Variants in MAS1 observed in about 807,000 individuals in gnomAD.
MAS1 encodes MAS1 proto-oncogene, G protein-coupled receptor.
For missense variants in MAS1, 387 were observed against 409.7 expected, an observed-to-expected ratio of 0.94 and a Z score of 0.48; for synonymous variants, 163 against 164.2, an observed-to-expected ratio of 0.99 and a Z score of 0.05.
In MAS1 at chr6:159,907,126, GTGCT is replaced by G. The variant is rs1782898404; in HGVS notation, c.173_176del (p.Cys58SerfsTer3). 1.2e-6 allele frequency: 2 copies of G among 1,614,076 alleles called. No individual in the cohort carries two copies. Among genetic ancestry groups the G allele is most frequent in the African/African-American group, 2.7e-5 (2 of 74,926 alleles). On this transcript the variant is annotated frameshift_variant, in exon 3 of 3. Coordinates refer to ENST00000674077, the MANE Select transcript of MAS1 (RefSeq NM_002377.4). LOFTEE classifies it low-confidence loss of function (END_TRUNC). ...AGAATGGGATTCTCCTCTGGTTCCTGTGCTTCCGGATGAGAAGAAATCCCTTCAC... is the reference window on the plus strand; with the variant it reads ...AGAATGGGATTCTCCTCTGGTTCCTGTCCGGATGAGAAGAAATCCCTTCAC...
At chr6:159,906,050 A>AAAAG (rs1383230761) in intron 2 of MAS1, among the ~76,000 whole-genome samples, 44 of 152,324 alleles carry the variant, frequency 2.9e-4, no homozygotes, top group African/African-American at 8.7e-4. Flanking sequence ...CAAAAAAAAA[A>AAAAG]AAGTTATTTT....
chr6:159,915,969 A>T lies in MAS1; in HGVS notation c.*8036A>T, dbSNP rs1783018365. On this transcript the variant is annotated 3_prime_UTR_variant, in exon 3 of 3. Transcript: ENST00000674077. ...GCTCTTCCTGGCCTGCCCTGTGCTC[A>T]GGCCGAGCATGGCCTAAAGCAGGGA... 6.6e-6 allele frequency: 1 copy of T among 152,286 alleles called. No homozygotes were observed. Among genetic ancestry groups the T allele is most frequent in the Non-Finnish European group, 1.5e-5 (1 of 68,084 alleles). 9.4% of individuals were successfully genotyped at this position (152,286 alleles called of 1,614,324 possible).
rs2115124703 is a variant in MAS1, at chr6:159,912,879, G to A, written c.*4946G>A. The A allele has an allele frequency of 6.6e-6, 1 of 152,360 alleles. No homozygotes were observed. Among genetic ancestry groups the A allele is most frequent in the Non-Finnish European group, 1.5e-5 (1 of 68,032 alleles). The allele number at this position is 152,360 out of a possible 1,614,324, so 9.4% of individuals were successfully genotyped here. On this transcript the variant is annotated 3_prime_UTR_variant, in exon 3 of 3. Transcript: ENST00000674077. Reference sequence around the variant, plus strand: ...ACTATTGATAAAAGAGCATGGAGCAGAGTTAGACCGGTTAGCAGCTGAATC... The same window carrying A: ...ACTATTGATAAAAGAGCATGGAGCAAAGTTAGACCGGTTAGCAGCTGAATC...
rs565077410 is a variant in MAS1 at position 159,908,152 on chromosome 6, C to A, written c.*219C>A. The A allele has an allele frequency of 1.2e-4, 53 of 446,342 alleles. No homozygotes were observed. The East Asian group carries it at 1.7e-3, about 15-fold the overall frequency. The allele number at this position is 446,342 out of a possible 1,614,324, so 27.6% of individuals were successfully genotyped here. A position where few individuals can be genotyped will look rare whatever the true frequency, so the allele number is the denominator to read the frequency against. The stretch of plus-strand genomic sequence containing the variant: ...GACAAAGACTCTATTTCTTTCAGCT[C>A]TTTTGGCAGCATCTTACCATGAACC... On this transcript the variant is annotated 3_prime_UTR_variant, in exon 3 of 3. Coordinates refer to ENST00000674077, the MANE Select transcript of MAS1 (RefSeq NM_002377.4).
Position 159,912,954 on chromosome 6 carries a change from G to A in MAS1, c.*5021G>A, listed in dbSNP as rs919774075. On this transcript the variant is annotated 3_prime_UTR_variant, in exon 3 of 3. Coordinates refer to ENST00000674077, the MANE Select transcript of MAS1 (RefSeq NM_002377.4). ...ATGAGATGGGAGCTTCCAAAAAGAA[G>A]CGTTTTAATATCAAATGTTGAAGAG... 3.9e-4 allele frequency: 60 copies of A among 152,324 alleles called. No individual in the cohort carries two copies. Among genetic ancestry groups the A allele is most frequent in the African/African-American group, 1.1e-3 (45 of 41,576 alleles). The allele number at this position is 152,324 out of a possible 1,614,324, so 9.4% of individuals were successfully genotyped here. A position where few individuals can be genotyped will look rare whatever the true frequency, so the allele number is the denominator to read the frequency against.
At chr6:159,902,577 C>A (rs1287352807) in intron 2 of MAS1, 1 of 152,172 alleles carries the variant, frequency 6.6e-6, no homozygotes, top group East Asian at 1.9e-4. Context: ...TTTTTACTTT[C>A]TTTAACATGG....
chr6:159,907,818 A>G lies in MAS1; in HGVS notation c.863A>G (p.Lys288Arg). 2 of 1,613,000 alleles carry G rather than the reference A, an allele frequency of 1.2e-6. No individual in the cohort carries two copies. Among genetic ancestry groups the G allele is most frequent in the Non-Finnish European group, 1.7e-6 (2 of 1,179,850 alleles). The change falls in exon 3 of 3, where the codon AAG (lysine) becomes AGG (arginine). Residue 288 changes from lysine to arginine, a missense_variant. Physicochemically the swap from Lys to Arg is conservative, Grantham distance 26. Transcript: ENST00000674077. ...TACTTCTTTGTGGGAAGCAGTAAGA[A>G]GAAGAGATTCAAGGAGTCCTTAAAA... ...FIYFFVGSSKKKRFKESLKVV... is the reference protein window; with the variant it reads ...FIYFFVGSSKRKRFKESLKVV...
intron 1 of MAS1, among the ~76,000 whole-genome samples, chr6:159,896,961 C>T (rs1782760725): frequency 6.6e-6 from 1 of 152,028 alleles, no homozygotes; most frequent in Non-Finnish European, 1.5e-5. Context: ...GCAAGCTCCG[C>T]CTCTCGGGTT....
At chr6:159,893,430 C>T (rs980375313) in intron 1 of MAS1, among the ~76,000 whole-genome samples, 1 of 151,936 alleles carries the variant, frequency 6.6e-6, no homozygotes, top group African/African-American at 2.4e-5. Flanking sequence ...GTAAAAGGGC[C>T]CAACAAAGTG....
rs763695360 is a variant in MAS1 at position 159,907,336 on chromosome 6, T to C, written c.381T>C (p.Ser127=). Residue 127 remains serine (S), a synonymous_variant, in exon 3 of 3, where the codon AGT becomes AGC. Transcript: ENST00000674077. ...GCCTCTATCTGCTGACGGCCATTAG[T>C]GTGGAGAGGTGCCTGTCAGTCCTTT... ...NTGLYLLTAI[S]VERCLSVLYP... 10 of 1,614,196 alleles carry C rather than the reference T, an allele frequency of 6.2e-6. No individual in the cohort carries two copies. The highest frequency in any genetic ancestry group is 7.6e-6 in the Non-Finnish European group (9 of 1,180,038).
At chr6:159,901,465 G>A (rs1176351147) in intron 2 of MAS1, among the ~76,000 whole-genome samples, 3 of 152,124 alleles carry the variant, frequency 2.0e-5, no homozygotes. Flanking sequence ...CAGGTGTGAT[G>A]GTGCATGCCT....
chr6:159,899,854 T>C (rs1782802933), intron 2 of MAS1, among the ~76,000 whole-genome samples: 1 of 152,078 alleles, frequency 6.6e-6, no homozygotes, highest in Admixed American at 6.5e-5. Flanking sequence ...ATGACCAGTC[T>C]GGCCAAGATG....
Position 159,907,514 on chromosome 6 carries a change from GTCA to G in MAS1, c.565_567del (p.Ile189del). On this transcript the variant is annotated inframe_deletion, in exon 3 of 3. Coordinates refer to ENST00000674077, the MANE Select transcript of MAS1 (RefSeq NM_002377.4). ...TCACTCTCGGAATGACTGCCGAGCA[GTCA>G]TCATCTTTATAGCCATCCTGAGCTT... 1 of 1,614,046 alleles carries G rather than the reference GTCA, an allele frequency of 6.2e-7. No individual in the cohort carries two copies. Among genetic ancestry groups the G allele is most frequent in the South Asian group, 1.1e-5 (1 of 91,080 alleles).
upstream of MAS1, among the ~76,000 whole-genome samples, chr6:159,889,477 G>T (rs371566493): frequency 4.3e-4 from 65 of 152,226 alleles, 1 homozygote; most frequent in East Asian, 2.3e-3. Context: ...TTTCCTTCGG[G>T]ATCAATTCCT....
At position 159,916,495 on chromosome 6, in the gene MAS1, T is replaced by C. The variant is rs1300824979; in HGVS notation, c.*8562T>C. The stretch of plus-strand genomic sequence containing the variant: ...GTTTCAGATGGTAAATTTTATGTTA[T>C]GTATATTTTACCACAATAAAGAAGT... On this transcript the variant is annotated 3_prime_UTR_variant, in exon 3 of 3. Transcript: ENST00000674077. The C allele has an allele frequency of 6.6e-6, 1 of 152,222 alleles. No individual in the cohort carries two copies. Among genetic ancestry groups the C allele is most frequent in the Non-Finnish European group, 1.5e-5 (1 of 68,040 alleles). 9.4% of individuals were successfully genotyped at this position (152,222 alleles called of 1,614,324 possible). A position where few individuals can be genotyped will look rare whatever the true frequency, so the allele number is the denominator to read the frequency against.
rs1028905701 is a variant in MAS1 at position 159,915,794 on chromosome 6, G to A, written c.*7861G>A. ...GGAATTTAGACAGGGAAAGGAGGAA[G>A]TTAGCAAAGGGTGAGTGAAGGAGAA... On this transcript the variant is annotated 3_prime_UTR_variant, in exon 3 of 3. Coordinates refer to ENST00000674077, the MANE Select transcript of MAS1 (RefSeq NM_002377.4). 3 of 152,464 alleles carry A rather than the reference G, an allele frequency of 2.0e-5. No homozygotes were observed. Among genetic ancestry groups the A allele is most frequent in the African/African-American group, 4.8e-5 (2 of 41,474 alleles). 9.4% of individuals were successfully genotyped at this position (152,464 alleles called of 1,614,324 possible). A position where few individuals can be genotyped will look rare whatever the true frequency, so the allele number is the denominator to read the frequency against.
At chr6:159,906,740 C>A in intron 2 of MAS1, 180 bp from the exon 3 acceptor site, 1 of 528,364 alleles carries the variant, frequency 1.9e-6, no homozygotes, top group East Asian at 3.2e-5. Context: ...GGTCTAAGTT[C>A]CTTTCTTATC....
upstream of MAS1, among the ~76,000 whole-genome samples, chr6:159,889,956 C>T (rs1006497944): frequency 1.3e-5 from 2 of 152,230 alleles, no homozygotes; most frequent in African/African-American, 4.8e-5. Context: ...GTTCCTATGT[C>T]TGCTTTCCCA....
At chr6:159,899,656 T>C (rs539334094) in intron 2 of MAS1, among the ~76,000 whole-genome samples, 1 of 152,322 alleles carries the variant, frequency 6.6e-6, no homozygotes, top group South Asian at 2.1e-4. Flanking sequence ...GGAGGATCAC[T>C]TGAGCCCAGG....
Sources: allele counts gnomAD v4.1 joint callset (sites outside exome capture counted in the v4.1 genomes callset), GRCh38; gene constraint gnomAD v4.1.1; transcripts MANE v1.5; gene names NCBI Gene and HGNC (gene_info 2026-07-23, HGNC 2026-07-21).